Variants in NCS1 observed in about 807,000 individuals in gnomAD.
The protein encoded by NCS1 is frequenin homolog.
NCS1 carries 6 observed loss-of-function variants against 28.4 expected under a neutral mutation model. The ratio of observed to expected loss-of-function variants is 0.21; its 90% CI spans 0.12 to 0.42. The LOEUF (loss-of-function observed/expected upper bound fraction) is 0.42. NCS1 is among the 10% of genes least tolerant of loss of function. The pLI, the probability that NCS1 is intolerant of heterozygous loss-of-function variation, is 1.00. For synonymous variants in NCS1, 86 were observed against 99.3 expected, an observed-to-expected ratio of 0.87 and a Z score of 0.79; for missense variants, 131 against 241.4, an observed-to-expected ratio of 0.54 and a Z score of 3.03.
chr9:130,192,092 G>C lies in NCS1; in HGVS notation c.65-8866G>C, dbSNP rs544694282. 6.6e-5 allele frequency among the ~76,000 whole-genome samples: 10 copies of C among 152,288 alleles called. No individual in the cohort carries two copies. Among genetic ancestry groups the C allele is most frequent in the Non-Finnish European group, 7.4e-5 (5 of 68,010 alleles). The stretch of plus-strand genomic sequence containing the variant: ...CTCCTTTCTGGGGCAGCTCAGGCCT[G>C]GTGCTGGGGCCCAGCTGCCCTTTAG... On this transcript the variant is annotated intron_variant, in intron 1 of 7. Transcript: ENST00000372398. The surrounding 1 kb of genome is among the most constrained non-coding windows in gnomAD (Gnocchi z 4.8).
Position 130,232,548 on chromosome 9 carries a change from C to T in NCS1, c.*18-442C>T, listed in dbSNP as rs1021550414. 2.0e-5 allele frequency among the ~76,000 whole-genome samples: 3 copies of T among 152,010 alleles called. No homozygotes were observed. The highest frequency in any genetic ancestry group is 2.1e-4 in the South Asian group (1 of 4,808). ...CTGTAATCCCAGCACTTTGGGAGGC[C>T]GAGGCGGGTCTATCATGAGGTCAGG... On this transcript the variant is annotated intron_variant, in intron 7 of 7. Coordinates refer to ENST00000372398, the MANE Select transcript of NCS1 (RefSeq NM_014286.4). This position sits in a 1 kb window ranked among gnomAD's most constrained non-coding sequence, Gnocchi z 4.4.
chr9:130,226,131 G>T lies in NCS1; in HGVS notation c.475-258G>T, dbSNP rs111416451. ...TTGGTCAAGCACAGAGCTGTCACCC[G>T]AGTGCCTGGAGGAAGCCAGGTAATT... On this transcript the variant is annotated intron_variant, in intron 6 of 7. Transcript: ENST00000372398. This position sits in a 1 kb window ranked among gnomAD's most constrained non-coding sequence, Gnocchi z 4.8. Among the ~76,000 whole-genome samples, 852 of 152,332 alleles carry T rather than the reference G, an allele frequency of 5.6e-3. 9 individuals carry two copies. The highest frequency in any genetic ancestry group is 0.038 in the East Asian group (195 of 5,168).
intron 1 of NCS1, among the ~76,000 whole-genome samples, chr9:130,198,195 G>C (rs1258108747): frequency 6.6e-6 from 1 of 152,168 alleles, no homozygotes; most frequent in Non-Finnish European, 1.5e-5. Context: ...TTTCCAATGG[G>C]GGGAGCCCTA....
In NCS1 at chr9:130,179,013, C is replaced by A. The variant is rs904630491; in HGVS notation, c.64+6286C>A. Among the ~76,000 whole-genome samples, 33 of 148,060 alleles carry A rather than the reference C, an allele frequency of 2.2e-4. 1 individual carries two copies. Among genetic ancestry groups the A allele is most frequent in the African/African-American group, 8.0e-4 (32 of 40,078 alleles). ...ACGGTGGCACGATCTTGGCTTACTG[C>A]AATCTCCACCTCCCGGGTTCAAGCA... On this transcript the variant is annotated intron_variant, in intron 1 of 7. Transcript: ENST00000372398.
chr9:130,187,264 C>T (rs566343840), intron 1 of NCS1, among the ~76,000 whole-genome samples: 28 of 152,264 alleles, frequency 1.8e-4, no homozygotes, highest in African/African-American at 5.3e-4. Flanking sequence ...CTGATGTGTC[C>T]GAGTCTGTGC....
At chr9:130,172,797 C>T (rs1832502153) in intron 1 of NCS1, 70 bp downstream of exon 1, 1 of 875,110 alleles carries the variant, frequency 1.1e-6, no homozygotes, top group East Asian at 4.0e-5. Flanking sequence ...CCCCCGCCCC[C>T]CGGACCCGCG....
intron 4 of NCS1, among the ~76,000 whole-genome samples, chr9:130,222,090 ATGTGTGTGTG>A (rs1156814253): frequency 1.3e-5 from 1 of 78,372 alleles, no homozygotes; most frequent in African/African-American, 4.4e-5. Context: ...AAATATATAT[ATGTGTGTGTG>A]TATATATATA....
In NCS1 at chr9:130,172,635, C is replaced by CGG; in HGVS notation, c.-23_-22dup. On this transcript the variant is annotated 5_prime_UTR_variant, in exon 1 of 8. Transcript: ENST00000372398. ...CTGGGCGCCCCAACCGGGTCCGGCCCGGGGGGGCGGGGGCCGCGGCCGCCG... is the reference window on the plus strand; with the variant it reads ...CTGGGCGCCCCAACCGGGTCCGGCCCGGGGGGGGGCGGGGGCCGCGGCCGCCG... The CGG allele has an allele frequency of 7.1e-7, 1 of 1,408,370 alleles. No homozygotes were observed. Among genetic ancestry groups the CGG allele is most frequent in the Non-Finnish European group, 9.4e-7 (1 of 1,062,872 alleles). The allele number at this position is 1,408,370 out of a possible 1,614,324, so 87.2% of individuals were successfully genotyped here.
rs36073320 is a variant in NCS1, at chr9:130,234,023, C to T, written c.*1051C>T. ...TCAACTCTTGCTTTGGTGTTTGCCG[C>T]AGCATGGAAAACAGGGCGCCTAAGG... On this transcript the variant is annotated 3_prime_UTR_variant, in exon 8 of 8. Coordinates refer to ENST00000372398, the MANE Select transcript of NCS1 (RefSeq NM_014286.4). The surrounding 1 kb of genome is among the most constrained non-coding windows in gnomAD (Gnocchi z 6.1). 0.022 allele frequency: 3,335 copies of T among 152,272 alleles called. 48 individuals are homozygous for T. Among genetic ancestry groups the T allele is most frequent in the Admixed American group, 0.044 (675 of 15,282 alleles). The allele number at this position is 152,272 out of a possible 1,614,324, so 9.4% of individuals were successfully genotyped here. A position where few individuals can be genotyped will look rare whatever the true frequency, so the allele number is the denominator to read the frequency against.
intron 2 of NCS1, among the ~76,000 whole-genome samples, chr9:130,208,800 C>T (rs17441433): frequency 0.071 from 10,835 of 152,128 alleles, 465 homozygotes; most frequent in Middle Eastern, 0.12. Context: ...GCGGAGAATA[C>T]GAGGAGCGGC....
intron 6 of NCS1, among the ~76,000 whole-genome samples, chr9:130,225,140 C>T (rs10819618): frequency 0.25 from 38,404 of 152,150 alleles, 5,251 homozygotes; most frequent in Admixed American, 0.33. Context: ...TGCTGTGAGC[C>T]GTGATGGTGC....
At chr9:130,202,683 G>A (rs745880373) in intron 2 of NCS1, among the ~76,000 whole-genome samples, 2 of 151,468 alleles carry the variant, frequency 1.3e-5, no homozygotes, top group Non-Finnish European at 2.9e-5. Flanking sequence ...AGAGTCAAGC[G>A]ATTCTCTTGT....
chr9:130,189,932 A>C (rs538044947), intron 1 of NCS1, among the ~76,000 whole-genome samples: 2 of 140,570 alleles, frequency 1.4e-5, no homozygotes, highest in African/African-American at 5.5e-5. Context: ...GAAGGCCCCA[A>C]AGAGGCAGAA....
At chr9:130,172,842 C>A (rs184684756) in intron 1 of NCS1, 115 bp downstream of exon 1, 7,438 of 472,526 alleles carry the variant, frequency 0.016, 104 homozygotes, top group Non-Finnish European at 0.016. Context: ...TCCGCTCCGT[C>A]CTCCCCGCCC....
chr9:130,207,572 C>T (rs975822079), intron 2 of NCS1, among the ~76,000 whole-genome samples: 6 of 152,220 alleles, frequency 3.9e-5, no homozygotes, highest in Non-Finnish European at 8.8e-5. Flanking sequence ...TTTGTGCTGA[C>T]ATATAGCAGC....
intron 1 of NCS1, among the ~76,000 whole-genome samples, chr9:130,184,958 C>T (rs1358260608): frequency 7.3e-5 from 11 of 151,510 alleles, no homozygotes; most frequent in Middle Eastern, 3.4e-3. Flanking sequence ...AATAAGACTC[C>T]GAGACTCCGT....
Position 130,228,110 on chromosome 9 carries a change from GAA to G in NCS1, c.*17+1608_*17+1609del, listed in dbSNP as rs1554911655. Among the ~76,000 whole-genome samples the G allele has an allele frequency of 4.6e-5, 7 of 152,282 alleles. No individual in the cohort carries two copies. The South Asian group carries it at 1.2e-3, about 27-fold the overall frequency. ...CAGAGCTTTCCAAGAGAGAAGGAGA[GAA>G]AGAGAGCCAGGATGAAAGCCAGTGT... On this transcript the variant is annotated intron_variant, in intron 7 of 7. Coordinates refer to ENST00000372398, the MANE Select transcript of NCS1 (RefSeq NM_014286.4).
chr9:130,189,879 A>AAAAATATATATAT (rs1554906056), intron 1 of NCS1, among the ~76,000 whole-genome samples: 7 of 37,744 alleles, frequency 1.9e-4, no homozygotes, highest in African/African-American at 8.1e-4. Context: ...AAAAAAAAAA[A>AAAAATATATATAT]ATATATATAT....
Position 130,217,928 on chromosome 9 carries a change from C to T in NCS1, c.186C>T (p.Thr62=). The part of the protein sequence containing the change: ...YKQFFPFGDP[T]KFATFVFNVF... ...AATTCTTCCCGTTCGGAGACCCCAC[C>T]AAGTTTGCCACATTTGTTTTCAACG... Residue 62 remains threonine, a synonymous_variant, in exon 3 of 8, where the codon ACC becomes ACT. Coordinates refer to ENST00000372398, the MANE Select transcript of NCS1 (RefSeq NM_014286.4). The T allele has an allele frequency of 6.2e-7, 1 of 1,614,210 alleles. No homozygotes were observed. Among genetic ancestry groups the T allele is most frequent in the Non-Finnish European group, 8.5e-7 (1 of 1,180,034 alleles).
Sources: gnomAD v4.1 joint callset for allele counts (sites outside exome capture counted in the v4.1 genomes callset) on GRCh38, gnomAD v4.1.1 for gene constraint, Gnocchi (gnomAD v3.1) non-coding constraint, MANE v1.5 for transcripts, NCBI Gene and HGNC (gene_info 2026-07-23, HGNC 2026-07-21) for gene names.